The following SAFB2 variants were observed in gnomAD, a reference collection of about 807,000 sequenced individuals.
The protein encoded by SAFB2 is scaffold attachment factor B2.
In SAFB2, 32 loss-of-function variants were observed where a neutral mutation model predicts 100.6. The observed-to-expected ratio is 0.32, with a 90% CI of 0.24 to 0.43. The LOEUF is 0.43. SAFB2 is among the 20% of genes least tolerant of loss of function. The pLI is 1.00. For synonymous variants in SAFB2, 500 were observed against 439.4 expected (o/e 1.14, Z -1.72); for missense variants, 1,185 against 1,163.4 (o/e 1.02, Z -0.27).
chr19:5,598,487 G>C (rs759632792), intron 13 of SAFB2: 1 of 370,496 alleles, frequency 2.7e-6, no homozygotes, highest in Non-Finnish European at 5.1e-6. Context: ...CCTGCCTTCC[G>C]GCTCGAAAAG....
intron 11 of SAFB2, among the ~76,000 whole-genome samples, chr19:5,603,273 TTTAAAAATAATAATTCCAA>T (rs1026198633): frequency 8.5e-5 from 13 of 152,198 alleles, no homozygotes; most frequent in East Asian, 7.7e-4. Context: ...TAAAATGTTT[TTTAAAAATAATAATTCCAA>T]TTAAAAATAA....
chr19:5,613,701 C>T (rs751898048), intron 4 of SAFB2, 174 bp from the exon 5 acceptor site: 4 of 985,438 alleles, frequency 4.1e-6, no homozygotes, highest in Non-Finnish European at 4.8e-6. Context: ...ACACACACTC[C>T]ACGACTCTGC....
chr19:5,592,672 G>A lies in SAFB2; in HGVS notation c.2348+75C>T. 2.6e-6 allele frequency: 4 copies of A among 1,557,442 alleles called. No homozygotes were observed. In the East Asian group the frequency reaches 9.0e-5, roughly 35 times the overall value. ...AGAGCACACAGGAACCCCTGCACTG[G>A]GCTGAGAACGAGGTCAGCTGGATGC... On this transcript the variant is annotated intron_variant, in intron 16 of 20. Coordinates refer to ENST00000252542, the MANE Select transcript of SAFB2 (RefSeq NM_014649.3).
chr19:5,590,507 G>A (rs2052372752), intron 17 of SAFB2, 99 bp from the exon 18 acceptor site: 1 of 1,360,510 alleles, frequency 7.4e-7, no homozygotes. Flanking sequence ...GGTGGCAGGT[G>A]GGGCGGAGCT....
chr19:5,600,023 A>G, intron 12 of SAFB2, 107 bp downstream of exon 12: 1 of 1,195,898 alleles, frequency 8.4e-7, no homozygotes, highest in Non-Finnish European at 1.2e-6. Flanking sequence ...ATGAACAGCG[A>G]AACAGCCATG....
Position 5,592,797 on chromosome 19 carries a change from G to C in SAFB2, c.2298C>G (p.His766Gln). 1 of 1,614,194 alleles carries C rather than the reference G, an allele frequency of 6.2e-7. No homozygotes were observed. The highest frequency in any genetic ancestry group is 1.1e-5 in the South Asian group (1 of 91,060). ...ADFPRPDHRF[H>Q]DFDHRDRGQY... ...GGCCCCGGTCTCGATGATCGAAGTCGTGAAAGCGGTGGTCTGGCCGGGGAA... is the reference window on the plus strand; with the variant it reads ...GGCCCCGGTCTCGATGATCGAAGTCCTGAAAGCGGTGGTCTGGCCGGGGAA... Residue 766 changes from histidine to glutamine, a missense_variant, in exon 16 of 21, where the codon CAC becomes CAG. By Grantham distance (24) the His-to-Gln change is conservative. Around this residue, in one of 3 missense-constraint regions of SAFB2, gnomAD observed 740 missense variants for 687.1 expected, o/e 1.08. Transcript: ENST00000252542.
intron 14 of SAFB2, among the ~76,000 whole-genome samples, chr19:5,594,941 T>C (rs2052504212): frequency 6.6e-6 from 1 of 152,168 alleles, no homozygotes; most frequent in South Asian, 2.1e-4. Flanking sequence ...CTTGAGCTTC[T>C]GGGCTCCAGC....
Position 5,604,880 on chromosome 19 carries a change from T to C in SAFB2, c.1353A>G (p.Gly451=). The C allele has an allele frequency of 1.2e-6, 2 of 1,614,114 alleles. No individual in the cohort carries two copies. Among genetic ancestry groups the C allele is most frequent in the Non-Finnish European group, 1.7e-6 (2 of 1,180,030 alleles). ...NARSPGARCY[G]FVTMSTSDEA... ...CGTCAGATGTCGACATGGTGACGAA[T>C]CCATAGCATCGAGCCCCCGGGCTGC... is the stretch of plus-strand genomic sequence containing the variant. The change falls in exon 10 of 21, where the codon GGA becomes GGG. Residue 451 remains glycine, a synonymous_variant. Transcript: ENST00000252542.
At chr19:5,619,663 G>A (rs893271666) in intron 2 of SAFB2, among the ~76,000 whole-genome samples, 3 of 152,130 alleles carry the variant, frequency 2.0e-5, no homozygotes, top group African/African-American at 7.2e-5. Flanking sequence ...AACATGGATG[G>A]TGAAACCACG....
chr19:5,621,227 C>T, intron 2 of SAFB2, 82 bp downstream of exon 2: 1 of 919,658 alleles, frequency 1.1e-6, no homozygotes, highest in South Asian at 1.3e-5. Flanking sequence ...TTCTCCCAGC[C>T]TAGAAGGCGG....
intron 8 of SAFB2, 182 bp from the exon 9 acceptor site, chr19:5,610,277 G>T: frequency 1.7e-6 from 1 of 605,556 alleles, no homozygotes; most frequent in South Asian, 2.0e-5. Context: ...AGCAAAAACT[G>T]AGTTTCCTTA....
intron 14 of SAFB2, among the ~76,000 whole-genome samples, chr19:5,594,573 G>A (rs2052496606): frequency 6.6e-6 from 1 of 152,132 alleles, no homozygotes; most frequent in South Asian, 2.1e-4. Context: ...ATGACAACTG[G>A]ACTCTGCTTG....
rs560534399 is a variant in SAFB2, at chr19:5,616,889, A to G, written c.275-403T>C. ...CTGGTCTCAAACTCCTGACCTCGTG[A>G]TCCACCAGCCTCGGTCTCCCAAAGT... On this transcript the variant is annotated intron_variant, in intron 2 of 20. Transcript: ENST00000252542. Among the ~76,000 whole-genome samples the G allele has an allele frequency of 3.3e-5, 5 of 152,032 alleles. No homozygotes were observed. The East Asian group carries it at 7.7e-4, about 24-fold the overall frequency.
rs748862788 is a variant in SAFB2 at position 5,593,981 on chromosome 19, T to G, written c.2117A>C (p.His706Pro). 6.4e-7 allele frequency: 1 copy of G among 1,554,856 alleles called. No individual in the cohort carries two copies. The highest frequency in any genetic ancestry group is 1.2e-5 in the South Asian group (1 of 85,474). ...GCGCCGCAGCTCCTCGCGCTCGCGG[T>G]GGATGCGCTCCTGCTCCTTCCTGCG... ...RERRKEQERI[H>P]REREELRRQQ... Residue 706 changes from histidine to proline, a missense_variant, in exon 15 of 21, where the codon CAC (histidine) becomes CCC (proline). Coordinates refer to ENST00000252542, the MANE Select transcript of SAFB2 (RefSeq NM_014649.3).
At chr19:5,605,972 C>A (rs1599257618) in intron 9 of SAFB2, among the ~76,000 whole-genome samples, 1 of 152,330 alleles carries the variant, frequency 6.6e-6, no homozygotes, top group East Asian at 1.9e-4. Context: ...GGGTTCCTCC[C>A]ACCCAGTGCA....
At chr19:5,620,157 AAACTTT>A (rs2053111398) in intron 2 of SAFB2, among the ~76,000 whole-genome samples, 1 of 152,356 alleles carries the variant, frequency 6.6e-6, no homozygotes, top group East Asian at 1.9e-4. Context: ...TGTCAAAATT[AAACTTT>A]AACTTAAAGC....
At chr19:5,592,155 A>T (rs887616415) in intron 16 of SAFB2, among the ~76,000 whole-genome samples, 7 of 152,114 alleles carry the variant, frequency 4.6e-5, no homozygotes, top group Non-Finnish European at 1.0e-4. Context: ...CAGAATTAAG[A>T]GTGTGGCCTC....
At position 5,587,922 on chromosome 19, in the gene SAFB2, A is replaced by G. The variant is rs2052298169; in HGVS notation, c.2584T>C (p.Trp862Arg). Reference sequence around the variant, plus strand: ...GCGCCTGCGTCCATGGCACCCTGCCAGGCGCGTGCCTGGTGCTCCTCTAGC... The same window carrying G: ...GCGCCTGCGTCCATGGCACCCTGCCGGGCGCGTGCCTGGTGCTCCTCTAGC... ...QRLEEHQARA[W>R]QGAMDAGAAS... Residue 862 changes from tryptophan (W) to arginine (R), a missense_variant, in exon 19 of 21, where the codon TGG becomes CGG. Around this residue, in one of 3 missense-constraint regions of SAFB2, gnomAD observed 740 missense variants for 687.1 expected, o/e 1.08. Coordinates refer to ENST00000252542, the MANE Select transcript of SAFB2 (RefSeq NM_014649.3). This position sits in a 1 kb window ranked among gnomAD's most constrained non-coding sequence, Gnocchi z 4.9. 1 of 1,612,760 alleles carries G rather than the reference A, an allele frequency of 6.2e-7. No individual in the cohort carries two copies. Among genetic ancestry groups the G allele is most frequent in the Non-Finnish European group, 8.5e-7 (1 of 1,179,848 alleles).
At chr19:5,610,932 T>C (rs1002923008) in intron 7 of SAFB2, 188 bp downstream of exon 7, 9 of 661,460 alleles carry the variant, frequency 1.4e-5, no homozygotes, top group Non-Finnish European at 2.3e-5. Context: ...CCATGGTAGG[T>C]TGAGAAAAAG....
Sources: allele counts gnomAD v4.1 joint callset (sites outside exome capture counted in the v4.1 genomes callset), GRCh38; gene constraint gnomAD v4.1.1; regional missense constraint gnomAD v4.1.1; non-coding constraint Gnocchi (gnomAD v3.1); transcripts MANE v1.5; gene names NCBI Gene and HGNC (gene_info 2026-07-23, HGNC 2026-07-21).